Variants in PTPRC observed in about 807,000 individuals in gnomAD.
PTPRC encodes receptor-type tyrosine-protein phosphatase C.
In PTPRC, 44 loss-of-function variants were observed where a neutral mutation model predicts 155.9. That is an observed-to-expected ratio of 0.28 (90% confidence interval 0.22 to 0.36). The LOEUF (loss-of-function observed/expected upper bound fraction) is 0.36. Ranked by LOEUF, PTPRC falls within the 10% of genes least tolerant of loss-of-function variation. The pLI is 1.00. For missense variants in PTPRC, 1,401 were observed against 1,564.6 expected (o/e 0.90, Z 1.76); for synonymous variants, 525 against 533.1 (o/e 0.98, Z 0.21).
chr1:198,728,523 T>C, intron 16 of PTPRC, 75 bp downstream of exon 16: 1 of 1,543,194 alleles, frequency 6.5e-7, no homozygotes, highest in African/African-American at 1.4e-5. Context: ...ATGGCAGTGA[T>C]GGAACCAGTT....
At chr1:198,732,953 T>C (rs973103071) in intron 20 of PTPRC, among the ~76,000 whole-genome samples, 3 of 151,826 alleles carry the variant, frequency 2.0e-5, no homozygotes, top group African/African-American at 7.2e-5. Flanking sequence ...TTGGTAAATA[T>C]TTGAGTTGAA....
At chr1:198,657,889 A>C (rs1286319567) in intron 2 of PTPRC, 2 of 152,158 alleles carry the variant, frequency 1.3e-5, no homozygotes, top group African/African-American at 4.8e-5. Context: ...AGCCCATAAA[A>C]AATGCATTTG....
At chr1:198,753,934 C>T (rs1389144526) in intron 31 of PTPRC, among the ~76,000 whole-genome samples, 1 of 151,958 alleles carries the variant, frequency 6.6e-6, no homozygotes, top group Non-Finnish European at 1.5e-5. Context: ...TCTTGGTTTC[C>T]TTATCTATCA....
intron 2 of PTPRC, among the ~76,000 whole-genome samples, chr1:198,654,806 G>A: frequency 6.6e-6 from 1 of 151,662 alleles, no homozygotes. Context: ...ATATTTTATA[G>A]AAAACATGAA....
chr1:198,735,038 T>C lies in PTPRC; in HGVS notation c.2278-89T>C, dbSNP rs1468651569. ...CTGTTTTGAGAATTTCAAATGAGTA[T>C]AGGTTTTGTTTTCACTGTTTAAAGA... On this transcript the variant is annotated intron_variant, in intron 22 of 32. Transcript: ENST00000442510. The C allele has an allele frequency of 6.9e-6, 8 of 1,161,840 alleles. No individual in the cohort carries two copies. The African/African-American group carries it at 9.4e-5, about 14-fold the overall frequency. 72.0% of individuals were successfully genotyped at this position (1,161,840 alleles called of 1,614,324 possible). A position where few individuals can be genotyped will look rare whatever the true frequency, so the allele number is the denominator to read the frequency against.
rs140793124 is a variant in PTPRC at position 198,656,755 on chromosome 1, G to A, written c.73+17414G>A. Among the ~76,000 whole-genome samples, 3 of 151,698 alleles carry A rather than the reference G, an allele frequency of 2.0e-5. No homozygotes were observed. In the East Asian group the frequency reaches 5.8e-4, roughly 29 times the overall value. On this transcript the variant is annotated intron_variant, in intron 2 of 32. Transcript: ENST00000442510. ...CGTCATGGAGGTGGCGTGGGGGAGCGGGTGAACAAGGAAACTTTAGTTGCT... is the reference window on the plus strand; with the variant it reads ...CGTCATGGAGGTGGCGTGGGGGAGCAGGTGAACAAGGAAACTTTAGTTGCT...
intron 26 of PTPRC, among the ~76,000 whole-genome samples, chr1:198,745,425 G>A (rs1034717892): frequency 2.0e-5 from 3 of 151,788 alleles, no homozygotes; most frequent in African/African-American, 7.3e-5. Flanking sequence ...CTTGCCTGAT[G>A]ATCTTTCATT....
At chr1:198,667,341 T>C (rs955243857) in intron 2 of PTPRC, among the ~76,000 whole-genome samples, 3 of 152,350 alleles carry the variant, frequency 2.0e-5, no homozygotes, top group Admixed American at 2.0e-4. Flanking sequence ...GGATTATGAA[T>C]AGCTTTGGAA....
At chr1:198,684,449 C>A (rs1665509316) in intron 2 of PTPRC, among the ~76,000 whole-genome samples, 1 of 151,544 alleles carries the variant, frequency 6.6e-6, no homozygotes, top group African/African-American at 2.4e-5. Flanking sequence ...CCTCTCATGG[C>A]CACAAAAATT....
At chr1:198,658,218 T>C (rs1373268813) in intron 2 of PTPRC, among the ~76,000 whole-genome samples, 1 of 152,158 alleles carries the variant, frequency 6.6e-6, no homozygotes, top group East Asian at 1.9e-4. Context: ...TAAATACATA[T>C]TTGTTGAATT....
At chr1:198,698,152 TA>T (rs1373683629) in intron 4 of PTPRC, among the ~76,000 whole-genome samples, 1 of 152,178 alleles carries the variant, frequency 6.6e-6, no homozygotes, top group African/African-American at 2.4e-5. Flanking sequence ...CATGCACAAA[TA>T]AAAACATGCA....
chr1:198,726,573 G>A (rs1177275148), intron 15 of PTPRC, among the ~76,000 whole-genome samples: 1 of 152,104 alleles, frequency 6.6e-6, no homozygotes, highest in Non-Finnish European at 1.5e-5. Context: ...TCAAGCTCAG[G>A]TCTTACAGTC....
intron 2 of PTPRC, among the ~76,000 whole-genome samples, chr1:198,685,968 G>A (rs922130612): frequency 2.7e-5 from 4 of 150,454 alleles, no homozygotes; most frequent in Non-Finnish European, 5.9e-5. Context: ...TTTTTTTAGC[G>A]GGGAGGGAGA....
intron 2 of PTPRC, among the ~76,000 whole-genome samples, chr1:198,642,697 A>G (rs1167230400): frequency 6.6e-6 from 1 of 151,904 alleles, no homozygotes; most frequent in Non-Finnish European, 1.5e-5. Context: ...GTAAAATTGT[A>G]ATAGTTTTTT....
At chr1:198,742,191 T>G (rs775350184) in intron 24 of PTPRC, 41 bp from the exon 25 acceptor site, 1 of 1,612,004 alleles carries the variant, frequency 6.2e-7, no homozygotes, top group Non-Finnish European at 8.5e-7. Flanking sequence ...TGACAGCTTT[T>G]CCATGATCAT....
rs899511250 is a variant in PTPRC at position 198,755,948 on chromosome 1, C to G, written c.3688C>G (p.Pro1230Ala). Residue 1230 changes from proline (P) to alanine (A), a missense_variant, in exon 33 of 33, where the codon CCT becomes GCT. Physicochemically the swap from Pro to Ala is conservative, Grantham distance 27. Around this residue, in one of 3 missense-constraint regions of PTPRC, gnomAD observed 400 missense variants for 389.5 expected, o/e 1.03. Transcript: ENST00000442510. ...FLYDVIASTY[P>A]AQNGQVKKNN... Reference sequence around the variant, plus strand: ...ATATGACGTCATTGCCAGCACCTACCCTGCTCAGAATGGACAAGTAAAGAA... The same window carrying G: ...ATATGACGTCATTGCCAGCACCTACGCTGCTCAGAATGGACAAGTAAAGAA... 6.2e-7 allele frequency: 1 copy of G among 1,612,522 alleles called. No individual in the cohort carries two copies. Among genetic ancestry groups the G allele is most frequent in the South Asian group, 1.1e-5 (1 of 91,014 alleles).
chr1:198,750,806 T>C, intron 29 of PTPRC, among the ~76,000 whole-genome samples, 180 bp downstream of exon 29: 1 of 152,034 alleles, frequency 6.6e-6, no homozygotes, highest in East Asian at 1.9e-4. Flanking sequence ...GTGTCTGGAT[T>C]CTGACAGTCT....
chr1:198,704,366 T>G, intron 7 of PTPRC, 106 bp from the exon 8 acceptor site: 1 of 1,566,338 alleles, frequency 6.4e-7, no homozygotes, highest in Non-Finnish European at 8.7e-7. Context: ...TCTAACTAGA[T>G]AGACTTTATG....
intron 2 of PTPRC, among the ~76,000 whole-genome samples, chr1:198,642,901 T>TTCC (rs1662681818): frequency 1.6e-5 from 2 of 123,238 alleles, no homozygotes; most frequent in African/African-American, 6.2e-5. Flanking sequence ...CTTTTCTTTC[T>TTCC]TTCTTCCTTT....
Sources: gnomAD v4.1 joint callset for allele counts (sites outside exome capture counted in the v4.1 genomes callset) on GRCh38, gnomAD v4.1.1 for gene constraint, gnomAD v4.1.1 regional missense constraint, MANE v1.5 for transcripts, NCBI Gene and HGNC (gene_info 2026-07-23, HGNC 2026-07-21) for gene names.